TSN: variants seen among roughly 807,000 people sequenced by gnomAD.
The protein encoded by TSN is component 3 of promoter of RISC.
A neutral mutation model predicts 29.4 loss-of-function variants in TSN; 5 were observed. That is an observed-to-expected ratio of 0.17 (90% CI 0.09 to 0.36). The LOEUF is 0.36. TSN is among the 10% of genes least tolerant of loss of function. The pLI is 1.00. For missense variants in TSN, 159 were observed against 272.8 expected (o/e 0.58, Z 2.94); for synonymous variants, 106 against 102.2 (o/e 1.04, Z -0.23).
chr2:121,756,078 A>C (rs2074742721), intron 1 of TSN: 3 of 862,812 alleles, frequency 3.5e-6, no homozygotes, highest in East Asian at 2.8e-5. Context: ...CGTTTGTGTC[A>C]GTTTTCCTTC....
In TSN at chr2:121,767,685, A is replaced by G. The variant is rs2074922662; in HGVS notation, c.*2318A>G. The G allele has an allele frequency of 6.6e-6, 1 of 152,178 alleles. No individual in the cohort carries two copies. The highest frequency in any genetic ancestry group is 1.5e-5 in the Non-Finnish European group (1 of 68,044). 9.4% of individuals were successfully genotyped at this position (152,178 alleles called of 1,614,324 possible). A position where few individuals can be genotyped will look rare whatever the true frequency, so the allele number is the denominator to read the frequency against. On this transcript the variant is annotated 3_prime_UTR_variant, in exon 6 of 6. Transcript: ENST00000389682. The stretch of plus-strand genomic sequence containing the variant: ...ATTTGCCACATCTTAAACTTGAATA[A>G]TAGTATGAGTAATGCTTAAGGGAGT...
At chr2:121,756,586 T>A (rs964933648) in intron 1 of TSN, 3 of 1,277,488 alleles carry the variant, frequency 2.3e-6, no homozygotes, top group Non-Finnish European at 3.1e-6. Flanking sequence ...GCCTCGCACA[T>A]AAGTATGCTC....
At chr2:121,762,057 A>G (rs1346997650) in intron 4 of TSN, among the ~76,000 whole-genome samples, 2 of 151,422 alleles carry the variant, frequency 1.3e-5, no homozygotes, top group South Asian at 2.1e-4. Flanking sequence ...CAATGACGCA[A>G]TCTCAGCTCA....
At chr2:121,757,212 T>C in intron 1 of TSN, 28 bp from the exon 2 acceptor site, 1 of 1,598,970 alleles carries the variant, frequency 6.3e-7, no homozygotes, top group Non-Finnish European at 8.6e-7. Flanking sequence ...CTGTTGAGTA[T>C]CTGATTTTTA....
Position 121,755,771 on chromosome 2 carries a change from G to T in TSN, c.-9G>T, listed in dbSNP as rs763877251. Reference sequence around the variant, plus strand: ...TGCTACACTGGCTGATTGTTGTGCAGCCGGCGCCATGTCTGTGAGCGAGAT... The same window carrying T: ...TGCTACACTGGCTGATTGTTGTGCATCCGGCGCCATGTCTGTGAGCGAGAT... On this transcript the variant is annotated 5_prime_UTR_variant, in exon 1 of 6. Coordinates refer to ENST00000389682, the MANE Select transcript of TSN (RefSeq NM_004622.3). The T allele has an allele frequency of 6.2e-7, 1 of 1,613,538 alleles. No individual in the cohort carries two copies. The highest frequency in any genetic ancestry group is 2.2e-5 in the East Asian group (1 of 44,888).
chr2:121,756,600 G>C (rs1255736259), intron 1 of TSN: 1 of 1,295,972 alleles, frequency 7.7e-7, no homozygotes, highest in Non-Finnish European at 1.0e-6. Context: ...TATGCTCAGT[G>C]AATATTTTAA....
rs753998138 is a variant in TSN at position 121,755,776 on chromosome 2, C to A, written c.-4C>A. 3 of 1,613,686 alleles carry A rather than the reference C, an allele frequency of 1.9e-6. No individual in the cohort carries two copies. The highest frequency in any genetic ancestry group is 2.5e-6 in the Non-Finnish European group (3 of 1,180,012). On this transcript the variant is annotated 5_prime_UTR_variant, in exon 1 of 6. Coordinates refer to ENST00000389682, the MANE Select transcript of TSN (RefSeq NM_004622.3). ...CACTGGCTGATTGTTGTGCAGCCGG[C>A]GCCATGTCTGTGAGCGAGATCTTCG...
chr2:121,765,436 C>T lies in TSN; in HGVS notation c.*69C>T. 1.4e-6 allele frequency: 2 copies of T among 1,418,596 alleles called. No homozygotes were observed. The highest frequency in any genetic ancestry group is 1.2e-5 in the South Asian group (1 of 84,606). The allele number at this position is 1,418,596 out of a possible 1,614,324, so 87.9% of individuals were successfully genotyped here. ...AGGAAGGGGTGAGCACAGAGTGCCT[C>T]TTACGGTAGTTAGGATGCTCAGTTG... is the stretch of plus-strand genomic sequence containing the variant. On this transcript the variant is annotated 3_prime_UTR_variant, in exon 6 of 6. Transcript: ENST00000389682.
At chr2:121,761,006 A>G (rs1369959420) in intron 3 of TSN, among the ~76,000 whole-genome samples, 6 of 150,976 alleles carry the variant, frequency 4.0e-5, no homozygotes, top group Non-Finnish European at 7.4e-5. Context: ...AGTAGCTGGG[A>G]CTATGGGCGC....
chr2:121,764,337 G>A (rs1238349180), intron 5 of TSN, among the ~76,000 whole-genome samples: 5 of 152,092 alleles, frequency 3.3e-5, no homozygotes, highest in Admixed American at 6.6e-5. Context: ...GGGCACAGTC[G>A]CTTACGCTTG....
intron 3 of TSN, among the ~76,000 whole-genome samples, chr2:121,760,597 A>T (rs1466255637): frequency 1.3e-5 from 2 of 152,070 alleles, no homozygotes; most frequent in Non-Finnish European, 2.9e-5. Context: ...AGGTTGTAAA[A>T]TTTCCTTTTT....
chr2:121,760,704 A>C (rs1056585273), intron 3 of TSN, among the ~76,000 whole-genome samples: 1 of 152,154 alleles, frequency 6.6e-6, no homozygotes, highest in Non-Finnish European at 1.5e-5. Flanking sequence ...TTCTGCACTC[A>C]AATCAAAATG....
At chr2:121,755,971 T>G in intron 1 of TSN, 126 bp downstream of exon 1, 1 of 1,518,448 alleles carries the variant, frequency 6.6e-7, no homozygotes, top group Non-Finnish European at 8.8e-7. Flanking sequence ...GCTTCCCCTC[T>G]AGCTTTAGGT....
chr2:121,760,556 G>A (rs1199257554), intron 3 of TSN, among the ~76,000 whole-genome samples: 1 of 152,116 alleles, frequency 6.6e-6, no homozygotes, highest in African/African-American at 2.4e-5. Flanking sequence ...TGCCACATTT[G>A]AGAATCAGGA....
rs2074851726 is a variant in TSN at position 121,763,012 on chromosome 2, A to G, written c.381A>G (p.Pro127=). 1.2e-6 allele frequency: 2 copies of G among 1,607,032 alleles called. No individual in the cohort carries two copies. Among genetic ancestry groups the G allele is most frequent in the South Asian group, 2.2e-5 (2 of 89,336 alleles). ...TTTTCATGTGTTTTTTAGTTGAGCCAGATCGGGAGAAAGGATTTCATCTGG... is the reference window on the plus strand; with the variant it reads ...TTTTCATGTGTTTTTTAGTTGAGCCGGATCGGGAGAAAGGATTTCATCTGG... ...EAVTEILGIE[P]DREKGFHLDV... is the part of the protein sequence containing the mutation. Residue 127 remains proline (P), a synonymous_variant, in exon 5 of 6, where the codon CCA becomes CCG. Transcript: ENST00000389682.
At chr2:121,757,889 C>T (rs1310510514) in intron 2 of TSN, among the ~76,000 whole-genome samples, 3 of 151,972 alleles carry the variant, frequency 2.0e-5, no homozygotes, top group Non-Finnish European at 4.4e-5. Flanking sequence ...TGGTCTTGCA[C>T]TCCTGACCTC....
intron 4 of TSN, among the ~76,000 whole-genome samples, chr2:121,762,710 G>A (rs75906695): frequency 0.026 from 4,003 of 152,128 alleles, 172 homozygotes; most frequent in African/African-American, 0.09. Context: ...TGCAAATATC[G>A]TAACTCCTTT....
chr2:121,762,235 G>A (rs1482376044), intron 4 of TSN, among the ~76,000 whole-genome samples: 5 of 151,228 alleles, frequency 3.3e-5, no homozygotes, highest in African/African-American at 4.9e-5. Context: ...CAGGTGATCC[G>A]CCTGCCTCAG....
intron 2 of TSN, among the ~76,000 whole-genome samples, chr2:121,758,053 G>A (rs908256298): frequency 6.6e-6 from 1 of 151,958 alleles, no homozygotes; most frequent in African/African-American, 2.4e-5. Context: ...GTGTGTATAT[G>A]CACCTGTGTG....
Sources: allele counts gnomAD v4.1 joint callset (sites outside exome capture counted in the v4.1 genomes callset), GRCh38; gene constraint gnomAD v4.1.1; transcripts MANE v1.5; gene names NCBI Gene and HGNC (gene_info 2026-07-23, HGNC 2026-07-21).